ACACA: variants seen among roughly 807,000 people sequenced by gnomAD.
ACACA encodes the protein acetyl-CoA carboxylase 1.
In ACACA, 103 loss-of-function variants were observed where a neutral mutation model predicts 296.1. The ratio of observed to expected loss-of-function variants is 0.35; its 90% CI spans 0.30 to 0.41. The LOEUF is 0.41. Ranked by LOEUF, ACACA falls within the 10% of genes least tolerant of loss-of-function variation. The pLI is 1.00. For missense variants in ACACA, 1,554 were observed against 2,989.7 expected (o/e 0.52, Z 11.20); for synonymous variants, 953 against 1,038.6 (o/e 0.92, Z 1.58).
intron 52 of ACACA, among the ~76,000 whole-genome samples, chr17:37,100,120 T>C (rs1464253240): frequency 6.6e-6 from 1 of 152,072 alleles, no homozygotes; most frequent in Admixed American, 6.6e-5. Context: ...GAACAATAAG[T>C]GTAGCGGAAA....
At chr17:37,343,071 G>A (rs1037069840) in intron 1 of ACACA, among the ~76,000 whole-genome samples, 56 of 152,050 alleles carry the variant, frequency 3.7e-4, no homozygotes, top group African/African-American at 1.3e-3. Context: ...TCTGCCTCCC[G>A]AGTTCAAGCT....
At chr17:37,308,957 T>A (rs2084006204) in intron 3 of ACACA, among the ~76,000 whole-genome samples, 4 of 152,138 alleles carry the variant, frequency 2.6e-5, no homozygotes, top group Admixed American at 2.6e-4. Flanking sequence ...ACTACTATTA[T>A]CTTTTGTGAC....
At chr17:37,374,113 A>G (rs937311764) in intron 1 of ACACA, among the ~76,000 whole-genome samples, 5 of 151,952 alleles carry the variant, frequency 3.3e-5, no homozygotes, top group African/African-American at 1.2e-4. Flanking sequence ...AACCCCAGCA[A>G]TTTGGGAGGC....
chr17:37,262,416 T>C (rs1047095682), intron 11 of ACACA, among the ~76,000 whole-genome samples: 1 of 152,200 alleles, frequency 6.6e-6, no homozygotes. Flanking sequence ...TTGTGTGAGT[T>C]AGCTTAATCA....
intron 23 of ACACA, among the ~76,000 whole-genome samples, 198 bp downstream of exon 23, chr17:37,241,755 T>C (rs2080419989): frequency 6.6e-6 from 1 of 152,050 alleles, no homozygotes; most frequent in Admixed American, 6.6e-5. Flanking sequence ...ATGTAGAATA[T>C]TAAGAAGTCA....
chr17:37,339,873 T>C (rs774785694), intron 1 of ACACA, 23 bp from the exon 2 acceptor site: 13 of 1,235,212 alleles, frequency 1.1e-5, no homozygotes, highest in Non-Finnish European at 1.2e-6. Flanking sequence ...AGAAAGATTT[T>C]AAGGTTTTTT....
At chr17:37,174,012 A>ATTT (rs1339330288) in intron 41 of ACACA, among the ~76,000 whole-genome samples, 14 of 12,466 alleles carry the variant, frequency 1.1e-3, no homozygotes, top group Admixed American at 3.2e-3. Context: ...ATATATATAT[A>ATTT]TATATATATT....
chr17:37,387,640 T>C lies in ACACA; in HGVS notation c.38+18622A>G, dbSNP rs576422320. On this transcript the variant is annotated intron_variant, in intron 1 of 55. Coordinates refer to ENST00000616317, the MANE Select transcript of ACACA (RefSeq NM_198834.3). ...TTTTGTATTTTTAGTAGAGACGGGT[T>C]TCACCATGTTGGCCAGGCTGGTCTC... 4 of 151,694 alleles carry C rather than the reference T, an allele frequency of 2.6e-5. No individual in the cohort carries two copies. In the South Asian group the frequency reaches 8.4e-4, roughly 32 times the overall value. The allele number at this position is 151,694 out of a possible 1,614,324, so 9.4% of individuals were successfully genotyped here. A position where few individuals can be genotyped will look rare whatever the true frequency, so the allele number is the denominator to read the frequency against.
rs1465169935 is a variant in ACACA, at chr17:37,188,269, T to A, written c.4776+8A>T. The stretch of plus-strand genomic sequence containing the variant: ...CAAAACTCTGAGGAGCCTGTTTGAG[T>A]ATTGTACCTGTGCTGTCCTGGAGTC... On this transcript the variant is annotated splice_region_variant and intron_variant, in intron 39 of 55. Coordinates refer to ENST00000616317, the MANE Select transcript of ACACA (RefSeq NM_198834.3). The A allele has an allele frequency of 1.9e-6, 3 of 1,613,230 alleles. No homozygotes were observed. The highest frequency in any genetic ancestry group is 2.2e-5 in the South Asian group (2 of 91,020).
chr17:37,386,358 G>A (rs9909907), intron 1 of ACACA, among the ~76,000 whole-genome samples: 36,794 of 151,934 alleles, frequency 0.24, 4,602 homozygotes, highest in Middle Eastern at 0.37. Context: ...TTGGGAGGCC[G>A]AGGTGGGCGG....
At chr17:37,211,863 C>T (rs904068932) in intron 29 of ACACA, among the ~76,000 whole-genome samples, 1 of 152,096 alleles carries the variant, frequency 6.6e-6, no homozygotes, top group South Asian at 2.1e-4. Flanking sequence ...GAAACCTGAA[C>T]CTTTGCTGTT....
rs903483111 is a variant in ACACA, at chr17:37,137,364, C to T, written c.5680-7146G>A. On this transcript the variant is annotated intron_variant, in intron 45 of 55. Coordinates refer to ENST00000616317, the MANE Select transcript of ACACA (RefSeq NM_198834.3). Reference sequence around the variant, plus strand: ...AGCACTGACTTACTATCTCTGTGGCCTTTTGGTTTGTGTTTTCTCATTGAC... The same window carrying T: ...AGCACTGACTTACTATCTCTGTGGCTTTTTGGTTTGTGTTTTCTCATTGAC... 3.3e-5 allele frequency among the ~76,000 whole-genome samples: 5 copies of T among 152,206 alleles called. No individual in the cohort carries two copies. In the East Asian group the frequency reaches 5.8e-4, roughly 18 times the overall value.
In ACACA at chr17:37,246,773, C is replaced by T. The variant is rs1487346619; in HGVS notation, c.2460+53G>A. 8.7e-6 allele frequency: 14 copies of T among 1,605,634 alleles called. No individual in the cohort carries two copies. The African/African-American group carries it at 1.5e-4, about 17-fold the overall frequency. On this transcript the variant is annotated intron_variant, in intron 19 of 55. Coordinates refer to ENST00000616317, the MANE Select transcript of ACACA (RefSeq NM_198834.3). The stretch of plus-strand genomic sequence containing the variant: ...TTCAGTCCTAGTCCATCCCAGCCGA[C>T]CCTTTTCCTACCTTCCCCTCCCATG...
intron 47 of ACACA, among the ~76,000 whole-genome samples, chr17:37,128,023 TCAAAAAAAAA>T (rs1463271759): frequency 2.7e-4 from 6 of 22,558 alleles, no homozygotes; most frequent in East Asian, 9.2e-4. Context: ...AAACTCCATC[TCAAAAAAAAA>T]AAAAAAAAAA....
chr17:37,324,999 G>C (rs528904866), intron 3 of ACACA, among the ~76,000 whole-genome samples: 1 of 151,484 alleles, frequency 6.6e-6, no homozygotes. Context: ...TCAGGAGTTC[G>C]AGACCTGCCT....
At chr17:37,276,583 A>G (rs1220182416) in intron 7 of ACACA, among the ~76,000 whole-genome samples, 1 of 152,278 alleles carries the variant, frequency 6.6e-6, no homozygotes, top group East Asian at 1.9e-4. Flanking sequence ...ATGACAGCAG[A>G]AAAGTCAGAA....
intron 45 of ACACA, chr17:37,140,946 A>G: frequency 3.1e-6 from 1 of 325,934 alleles, no homozygotes; most frequent in South Asian, 2.7e-5. Flanking sequence ...TCACCTTGCA[A>G]GGAATGGTGT....
chr17:37,382,413 A>G (rs1384020052), intron 1 of ACACA, among the ~76,000 whole-genome samples: 1 of 151,268 alleles, frequency 6.6e-6, no homozygotes, highest in Non-Finnish European at 1.5e-5. Flanking sequence ...AGTCCCCTAG[A>G]TGCTATTGCT....
chr17:37,381,752 C>T (rs532842340), intron 1 of ACACA, among the ~76,000 whole-genome samples: 44 of 151,530 alleles, frequency 2.9e-4, no homozygotes, highest in South Asian at 2.7e-3. Flanking sequence ...CTCAGCCTCC[C>T]GAGTAGCTGG....
Sources: allele counts gnomAD v4.1 joint callset (sites outside exome capture counted in the v4.1 genomes callset), GRCh38; gene constraint gnomAD v4.1.1; transcripts MANE v1.5; gene names NCBI Gene and HGNC (gene_info 2026-07-23, HGNC 2026-07-21).